Variants in HS3ST4 observed in about 807,000 individuals in gnomAD.
HS3ST4 encodes heparan sulfate glucosamine 3-O-sulfotransferase 4.
A neutral mutation model predicts 29.2 loss-of-function variants in HS3ST4; 17 were observed. That is an observed-to-expected ratio of 0.58 (90% CI 0.40 to 0.87). HS3ST4 has a LOEUF of 0.87. HS3ST4 is among the 40% of genes least tolerant of loss of function. The pLI is 0.00. For missense variants in HS3ST4, 627 were observed against 634.5 expected (o/e 0.99, Z 0.13); for synonymous variants, 314 against 285.7 (o/e 1.10, Z -1.00).
At chr16:26,025,019 G>A (rs1969453073) in intron 1 of HS3ST4, among the ~76,000 whole-genome samples, 1 of 152,086 alleles carries the variant, frequency 6.6e-6, no homozygotes, top group South Asian at 2.1e-4. Flanking sequence ...TTACTAATGG[G>A]TAAAGTTCCA....
At chr16:25,805,555 A>T (rs1966981350) in intron 1 of HS3ST4, among the ~76,000 whole-genome samples, 1 of 152,134 alleles carries the variant, frequency 6.6e-6, no homozygotes, top group African/African-American at 2.4e-5. Flanking sequence ...GGCAACTTTC[A>T]CGGTGGGATG....
intron 1 of HS3ST4, among the ~76,000 whole-genome samples, chr16:25,943,727 T>C (rs1298395057): frequency 6.6e-6 from 1 of 152,190 alleles, no homozygotes; most frequent in African/African-American, 2.4e-5. Flanking sequence ...ATCATGGTAA[T>C]AAGCAACATT....
At chr16:25,740,463 C>T (rs1356295476) in intron 1 of HS3ST4, among the ~76,000 whole-genome samples, 1 of 152,112 alleles carries the variant, frequency 6.6e-6, no homozygotes, top group Non-Finnish European at 1.5e-5. Flanking sequence ...CCCAAAGATC[C>T]TAGTTTCTAA....
intron 1 of HS3ST4, among the ~76,000 whole-genome samples, chr16:26,083,970 G>A (rs1898755179): frequency 6.6e-6 from 1 of 152,178 alleles, no homozygotes; most frequent in African/African-American, 2.4e-5. Flanking sequence ...ACAGTAGAGT[G>A]TCAAATACTA....
intron 1 of HS3ST4, among the ~76,000 whole-genome samples, chr16:25,828,242 C>CTTTTTCTATCTTTCTT (rs1371928058): frequency 0.028 from 2,082 of 75,032 alleles, 200 homozygotes; most frequent in South Asian, 0.035. Flanking sequence ...TTCTTTCTTT[C>CTTTTTCTATCTTTCTT]TCTTTCTTTC....
intron 1 of HS3ST4, among the ~76,000 whole-genome samples, chr16:25,876,626 AC>A (rs1289244134): frequency 1.3e-5 from 2 of 152,060 alleles, no homozygotes; most frequent in African/African-American, 2.4e-5. Flanking sequence ...ACTGACCGAA[AC>A]CCTCTGGAGC....
chr16:25,955,289 A>G (rs1018990055), intron 1 of HS3ST4, among the ~76,000 whole-genome samples: 1 of 152,170 alleles, frequency 6.6e-6, no homozygotes, highest in Non-Finnish European at 1.5e-5. Flanking sequence ...TTATGGCACT[A>G]GGCTAGGGGA....
intron 1 of HS3ST4, among the ~76,000 whole-genome samples, chr16:25,753,980 A>G (rs1016043115): frequency 3.3e-5 from 5 of 152,194 alleles, no homozygotes; most frequent in Non-Finnish European, 7.3e-5. Flanking sequence ...ACAGAAATAT[A>G]CAACGTAATT....
intron 1 of HS3ST4, among the ~76,000 whole-genome samples, chr16:25,924,221 C>T (rs1449334886): frequency 6.6e-6 from 1 of 152,224 alleles, no homozygotes; most frequent in South Asian, 2.1e-4. Context: ...TTATTCTGTA[C>T]GGCCAATCTG....
intron 1 of HS3ST4, among the ~76,000 whole-genome samples, chr16:25,807,692 G>T (rs1967002363): frequency 6.6e-6 from 1 of 152,082 alleles, no homozygotes; most frequent in Non-Finnish European, 1.5e-5. Flanking sequence ...GCAGTTGGTG[G>T]GTTTCCATGT....
chr16:25,918,024 G>A lies in HS3ST4; in HGVS notation c.735-217588G>A, dbSNP rs574848049. Among the ~76,000 whole-genome samples, 77 of 152,268 alleles carry A rather than the reference G, an allele frequency of 5.1e-4. 2 individuals are homozygous for A. The highest frequency in any genetic ancestry group is 6.5e-5 in the Admixed American group (1 of 15,300). On this transcript the variant is annotated intron_variant, in intron 1 of 1. Transcript: ENST00000331351. ...GGCTAACGCATCTTTTTGAGATAGG[G>A]TGGGGGGGAGCATCGTCTGTGGGCC...
At chr16:26,010,353 C>T (rs1270204522) in intron 1 of HS3ST4, among the ~76,000 whole-genome samples, 1 of 151,826 alleles carries the variant, frequency 6.6e-6, no homozygotes, top group African/African-American at 2.4e-5. Context: ...CCTGGGGAGG[C>T]TGAGGTAGGA....
At chr16:25,964,313 T>C (rs2141703324) in intron 1 of HS3ST4, among the ~76,000 whole-genome samples, 1 of 152,172 alleles carries the variant, frequency 6.6e-6, no homozygotes, top group African/African-American at 2.4e-5. Flanking sequence ...TCAGTTGTAC[T>C]CCAGACCTCA....
intron 1 of HS3ST4, among the ~76,000 whole-genome samples, chr16:25,981,288 G>A (rs1433001006): frequency 6.6e-6 from 1 of 151,966 alleles, no homozygotes; most frequent in Non-Finnish European, 1.5e-5. Flanking sequence ...AGTGAGCTGA[G>A]ATCGTGCCAT....
intron 1 of HS3ST4, among the ~76,000 whole-genome samples, chr16:25,896,241 G>C (rs969900838): frequency 1.3e-5 from 2 of 152,172 alleles, no homozygotes; most frequent in Admixed American, 6.5e-5. Flanking sequence ...TGATTCAACA[G>C]AGCCAAGTCA....
intron 1 of HS3ST4, among the ~76,000 whole-genome samples, chr16:25,763,062 G>A (rs559749586): frequency 6.6e-6 from 1 of 151,952 alleles, no homozygotes; most frequent in Non-Finnish European, 1.5e-5. Flanking sequence ...TCGTCTACCT[G>A]ATTTTGATTA....
rs1967250766 is a variant in HS3ST4 at position 25,828,291 on chromosome 16, T to C, written c.734+135140T>C. 1.3e-4 allele frequency among the ~76,000 whole-genome samples: 12 copies of C among 89,568 alleles called. 2 individuals are homozygous for C. Among genetic ancestry groups the C allele is most frequent in the South Asian group, 4.7e-4 (1 of 2,150 alleles). 58.8% of individuals were successfully genotyped at this position (89,568 alleles called of 152,430 possible). On this transcript the variant is annotated intron_variant, in intron 1 of 1. Coordinates refer to ENST00000331351, the MANE Select transcript of HS3ST4 (RefSeq NM_006040.3). Reference sequence around the variant, plus strand: ...TTCTTTCTTTCTTTCTTTCTTTCTTTCTTTCTTTCCCTCTCTCTCTCTCTC... The same window carrying C: ...TTCTTTCTTTCTTTCTTTCTTTCTTCCTTTCTTTCCCTCTCTCTCTCTCTC...
chr16:25,828,242 C>CTTTTTCTATCTT (rs1371928058), intron 1 of HS3ST4, among the ~76,000 whole-genome samples: 2,158 of 75,036 alleles, frequency 0.029, 243 homozygotes, highest in Middle Eastern at 0.043. Context: ...TTCTTTCTTT[C>CTTTTTCTATCTT]TCTTTCTTTC....
rs1271470478 is a variant in HS3ST4, at chr16:26,135,752, C to T, written c.875C>T (p.Thr292Ile). The T allele has an allele frequency of 1.2e-6, 2 of 1,614,114 alleles. No homozygotes were observed. Among genetic ancestry groups the T allele is most frequent in the Middle Eastern group, 1.7e-4 (1 of 6,060 alleles). The part of the protein sequence containing the change: ...KLIVVVRNPV[T>I]RAISDYTQTL... ...ATTGTGGTGGTGAGAAACCCCGTGA[C>T]CAGGGCCATCTCTGACTACACGCAG... is the stretch of plus-strand genomic sequence containing the variant. Residue 292 changes from threonine to isoleucine, a missense_variant, in exon 2 of 2, where the codon ACC (threonine) becomes ATC (isoleucine). Thr to Ile is a moderately conservative substitution (Grantham distance 89). Coordinates refer to ENST00000331351, the MANE Select transcript of HS3ST4 (RefSeq NM_006040.3).
Sources: allele counts gnomAD v4.1 joint callset (sites outside exome capture counted in the v4.1 genomes callset), GRCh38; gene constraint gnomAD v4.1.1; transcripts MANE v1.5; gene names NCBI Gene and HGNC (gene_info 2026-07-23, HGNC 2026-07-21).